The following STX8 variants were observed in gnomAD, a reference collection of about 807,000 sequenced individuals.
STX8 encodes the protein syntaxin-8.
STX8 carries 23 observed loss-of-function variants against 37.5 expected under a neutral mutation model. The ratio of observed to expected loss-of-function variants is 0.61; its 90% CI spans 0.44 to 0.87. The LOEUF is 0.87. Among genes scored for constraint, STX8 ranks in the 40% least tolerant of loss-of-function variants. STX8 has a pLI of 0.00. For missense variants in STX8, 313 were observed against 284.7 expected, an observed-to-expected ratio of 1.10 and a Z score of -0.71; for synonymous variants, 115 against 99.1, an observed-to-expected ratio of 1.16 and a Z score of -0.95.
chr17:9,479,245 A>C (rs1391259990), intron 6 of STX8, among the ~76,000 whole-genome samples: 2 of 152,134 alleles, frequency 1.3e-5, no homozygotes, highest in Non-Finnish European at 2.9e-5. Context: ...ATAGTATACC[A>C]TATATAGGCC....
At chr17:9,432,297 G>A (rs1000414904) in intron 6 of STX8, among the ~76,000 whole-genome samples, 15 of 152,052 alleles carry the variant, frequency 9.9e-5, no homozygotes, top group African/African-American at 1.7e-4. Context: ...CCTCACATAC[G>A]GCCAGAGCTT....
rs1445842248 is a variant in STX8 at position 9,250,531 on chromosome 17, G to A, written c.*47C>T. On this transcript the variant is annotated 3_prime_UTR_variant, in exon 8 of 8. Coordinates refer to ENST00000306357, the MANE Select transcript of STX8 (RefSeq NM_004853.3). The stretch of plus-strand genomic sequence containing the variant: ...TGCGTACCAAAAGGGTGTTGGGCTT[G>A]CATCTGTCATTGGCAGGTGTCACTG... 4 of 1,521,666 alleles carry A rather than the reference G, an allele frequency of 2.6e-6. No homozygotes were observed. The Admixed American group carries it at 7.8e-5, about 29-fold the overall frequency. 94.3% of individuals were successfully genotyped at this position (1,521,666 alleles called of 1,614,324 possible).
chr17:9,497,481 G>T (rs1468341606), intron 5 of STX8, among the ~76,000 whole-genome samples: 1 of 152,154 alleles, frequency 6.6e-6, no homozygotes, highest in East Asian at 1.9e-4. Flanking sequence ...AAATAACCTA[G>T]GGGCTGGGTA....
At chr17:9,559,736 A>ATT (rs1907129706) in intron 2 of STX8, among the ~76,000 whole-genome samples, 1 of 28,396 alleles carries the variant, frequency 3.5e-5, no homozygotes, top group Non-Finnish European at 6.4e-5. Flanking sequence ...TTATTATTTT[A>ATT]TATATATATA....
At chr17:9,278,381 G>A (rs1360134265) in intron 7 of STX8, among the ~76,000 whole-genome samples, 2 of 152,164 alleles carry the variant, frequency 1.3e-5, no homozygotes, top group African/African-American at 2.4e-5. Flanking sequence ...CCCGGGAGGC[G>A]GAGGTTGCGA....
intron 6 of STX8, among the ~76,000 whole-genome samples, chr17:9,405,903 T>C (rs1912784773): frequency 6.6e-6 from 1 of 152,214 alleles, no homozygotes; most frequent in East Asian, 1.9e-4. Flanking sequence ...GATCCTTCAC[T>C]TTCCTTTTGC....
At chr17:9,421,293 G>A (rs943615770) in intron 6 of STX8, among the ~76,000 whole-genome samples, 1 of 150,618 alleles carries the variant, frequency 6.6e-6, no homozygotes, top group Non-Finnish European at 1.5e-5. Context: ...TCGGGAGGCT[G>A]AGGCAGGAGA....
rs116572670 is a variant in STX8, at chr17:9,390,320, A to T, written c.542-11667T>A. Among the ~76,000 whole-genome samples the T allele has an allele frequency of 2.9e-3, 433 of 150,074 alleles. 2 individuals are homozygous for T. Among genetic ancestry groups the T allele is most frequent in the African/African-American group, 0.01 (416 of 40,596 alleles). ...GCGGATCACCTGAGATCAGGAGTTG[A>T]AGACCAGCCTGACCAATCTGATGAA... On this transcript the variant is annotated intron_variant, in intron 6 of 7. Transcript: ENST00000306357.
chr17:9,565,661 G>A (rs1488084941), intron 2 of STX8, among the ~76,000 whole-genome samples: 3 of 148,818 alleles, frequency 2.0e-5, no homozygotes, highest in South Asian at 4.3e-4. Flanking sequence ...AAGGCCACAC[G>A]TACAACTATC....
rs79997867 is a variant in STX8 at position 9,555,986 on chromosome 17, T to C, written c.212+1448A>G. ...GGTAAAATAAAAACCCTTTATATGA[T>C]AGACCAACTGTGCTGTAACAAATTA... is the stretch of plus-strand genomic sequence containing the variant. On this transcript the variant is annotated intron_variant, in intron 3 of 7. Transcript: ENST00000306357. Among the ~76,000 whole-genome samples the C allele has an allele frequency of 6.2e-3, 937 of 152,204 alleles. 11 individuals carry two copies. The highest frequency in any genetic ancestry group is 0.022 in the African/African-American group (899 of 41,524).
At chr17:9,460,007 G>A (rs1045057408) in intron 6 of STX8, among the ~76,000 whole-genome samples, 4 of 152,190 alleles carry the variant, frequency 2.6e-5, no homozygotes, top group Non-Finnish European at 5.9e-5. Flanking sequence ...TGCAGAGGCC[G>A]AGCTCCAGCA....
At chr17:9,381,204 T>C (rs1426685009) in intron 6 of STX8, among the ~76,000 whole-genome samples, 5 of 152,092 alleles carry the variant, frequency 3.3e-5, no homozygotes, top group African/African-American at 1.2e-4. Flanking sequence ...TCTCAGAACA[T>C]ATCTCTGTCA....
intron 2 of STX8, among the ~76,000 whole-genome samples, chr17:9,563,946 A>T (rs12601679): frequency 0.98 from 149,234 of 152,290 alleles, 73,192 homozygotes; most frequent in Non-Finnish European, 1. Flanking sequence ...CATATGCAAA[A>T]CAAAAAATGT....
intron 7 of STX8, among the ~76,000 whole-genome samples, chr17:9,351,185 T>C (rs943666462): frequency 6.9e-6 from 1 of 145,206 alleles, no homozygotes; most frequent in East Asian, 2.0e-4. Context: ...TCTTTTTTTT[T>C]TTTTTTTTTT....
chr17:9,379,400 G>A (rs1473517744), intron 6 of STX8, among the ~76,000 whole-genome samples: 1 of 152,096 alleles, frequency 6.6e-6, no homozygotes, highest in African/African-American at 2.4e-5. Context: ...ACTGGACTAA[G>A]AGTAAACAAA....
chr17:9,273,718 CCAG>C (rs1400460001), intron 7 of STX8, among the ~76,000 whole-genome samples: 2 of 152,258 alleles, frequency 1.3e-5, no homozygotes, highest in African/African-American at 4.8e-5. Flanking sequence ...AATGTGGAGG[CCAG>C]TACAGGCTAT....
At chr17:9,466,420 G>A (rs72818042) in intron 6 of STX8, among the ~76,000 whole-genome samples, 8,476 of 152,234 alleles carry the variant, frequency 0.056, 314 homozygotes, top group Non-Finnish European at 0.086. Context: ...CCAAAGAGTG[G>A]ACTAAATTCA....
At chr17:9,390,671 CA>C (rs34634153) in intron 6 of STX8, among the ~76,000 whole-genome samples, 25,694 of 125,334 alleles carry the variant, frequency 0.21, 2,510 homozygotes, top group South Asian at 0.38. Context: ...ACTAAAAATA[CA>C]AAAAAAAAAA....
intron 6 of STX8, among the ~76,000 whole-genome samples, chr17:9,451,257 C>G (rs951994764): frequency 2.2e-4 from 34 of 152,148 alleles, no homozygotes; most frequent in Admixed American, 2.2e-3. Context: ...ATATGTATCT[C>G]TCTGTGGAGA....
Sources: allele counts gnomAD v4.1 joint callset (sites outside exome capture counted in the v4.1 genomes callset), GRCh38; gene constraint gnomAD v4.1.1; transcripts MANE v1.5; gene names NCBI Gene and HGNC (gene_info 2026-07-23, HGNC 2026-07-21).